SFMBT1: variants seen among roughly 807,000 people sequenced by gnomAD.
SFMBT1 encodes the protein Scm like with four mbt domains 1.
A neutral mutation model predicts 108.7 loss-of-function variants in SFMBT1; 32 were observed. The ratio of observed to expected loss-of-function variants is 0.29; its 90% CI spans 0.22 to 0.40. SFMBT1 has a LOEUF of 0.40. SFMBT1 is among the 10% of genes least tolerant of loss of function. SFMBT1 has a pLI of 1.00. For synonymous variants in SFMBT1, 348 were observed against 369.5 expected, an observed-to-expected ratio of 0.94 and a Z score of 0.67; for missense variants, 816 against 1,059.6, an observed-to-expected ratio of 0.77 and a Z score of 3.19.
intron 1 of SFMBT1, among the ~76,000 whole-genome samples, chr3:53,040,198 T>A (rs59726511): frequency 6.6e-6 from 1 of 152,192 alleles, no homozygotes; most frequent in Non-Finnish European, 1.5e-5. Flanking sequence ...TGGCAGCCCA[T>A]GGGCAGCCTT....
chr3:52,941,593 C>CAAAAAAAAAAAAAAAAAA (rs145581859), intron 4 of SFMBT1, among the ~76,000 whole-genome samples: 1 of 64,034 alleles, frequency 1.6e-5, no homozygotes, highest in African/African-American at 5.8e-5. Flanking sequence ...GACTCTGTTT[C>CAAAAAAAAAAAAAAAAAA]AAAAAAAAAA....
In SFMBT1 at chr3:53,045,813, T is replaced by C. The variant is rs1575460903; in HGVS notation, c.-131+3A>G. 1 of 149,094 alleles carries C rather than the reference T, an allele frequency of 6.7e-6. No homozygotes were observed. Among genetic ancestry groups the C allele is most frequent in the Non-Finnish European group, 1.5e-5 (1 of 67,092 alleles). 9.2% of individuals were successfully genotyped at this position (149,094 alleles called of 1,614,324 possible). On this transcript the variant is annotated splice_donor_region_variant and intron_variant, in intron 1 of 20. Coordinates refer to ENST00000394752, the MANE Select transcript of SFMBT1 (RefSeq NM_016329.4). ...GGCCCAGCCGGTGGCCCCGCTTTTTTACCTGCCCGGAGTTTTCGCGCGCGC... is the reference window on the plus strand; with the variant it reads ...GGCCCAGCCGGTGGCCCCGCTTTTTCACCTGCCCGGAGTTTTCGCGCGCGC...
At chr3:52,920,136 T>G (rs1025796965) in intron 12 of SFMBT1, among the ~76,000 whole-genome samples, 1 of 152,246 alleles carries the variant, frequency 6.6e-6, no homozygotes, top group Non-Finnish European at 1.5e-5. Flanking sequence ...TCTCCAGAAC[T>G]GTGAGAGATA....
At chr3:52,989,595 T>C (rs186784516) in intron 1 of SFMBT1, among the ~76,000 whole-genome samples, 2 of 152,026 alleles carry the variant, frequency 1.3e-5, no homozygotes, top group East Asian at 1.9e-4. Context: ...GGTCAGGAGA[T>C]AGAGAACAGC....
At chr3:52,909,381 T>C (rs1233383102) in intron 17 of SFMBT1, among the ~76,000 whole-genome samples, 1 of 152,250 alleles carries the variant, frequency 6.6e-6, no homozygotes, top group East Asian at 1.9e-4. Flanking sequence ...GAAGCTAAGA[T>C]AATTCCTACT....
chr3:52,973,944 G>A (rs992732343), intron 1 of SFMBT1, among the ~76,000 whole-genome samples: 1 of 152,222 alleles, frequency 6.6e-6, no homozygotes, highest in Non-Finnish European at 1.5e-5. Context: ...CTGGCTTCAT[G>A]TTAATGCCCT....
chr3:53,000,064 G>A (rs558815328), intron 1 of SFMBT1, among the ~76,000 whole-genome samples: 13 of 149,704 alleles, frequency 8.7e-5, no homozygotes, highest in Non-Finnish European at 1.0e-4. Flanking sequence ...GGGTTTCACC[G>A]TGTTAGCCAG....
At position 52,911,151 on chromosome 3, in the gene SFMBT1, A is replaced by G. The variant is rs1170508387; in HGVS notation, c.1758T>C (p.Thr586=). The G allele has an allele frequency of 1.2e-6, 2 of 1,612,704 alleles. No homozygotes were observed. The highest frequency in any genetic ancestry group is 2.2e-5 in the South Asian group (2 of 90,784). Residue 586 remains threonine (T), a synonymous_variant, in exon 17 of 21, where the codon ACT becomes ACC. Transcript: ENST00000394752. ...AKYKGKSYRA[T]VEIVKTADRV... ...GATCTGCTGTTTTCACTATCTCAAC[A>G]GTAGCCCGATAACTCTTTCCTTTAT...
intron 1 of SFMBT1, among the ~76,000 whole-genome samples, chr3:52,998,747 G>C (rs1488766007): frequency 1.3e-5 from 2 of 150,690 alleles, no homozygotes; most frequent in Non-Finnish European, 3.0e-5. Context: ...TCCTGTGGGC[G>C]TATCAACAGG....
chr3:52,907,762 G>A, intron 17 of SFMBT1, 29 bp from the exon 18 acceptor site: 1 of 1,568,576 alleles, frequency 6.4e-7, no homozygotes, highest in Non-Finnish European at 8.6e-7. Context: ...GAAAAATGAA[G>A]TAGCTTCATT....
chr3:52,930,233 G>A (rs1261728981), intron 8 of SFMBT1, 96 bp downstream of exon 8: 2 of 756,366 alleles, frequency 2.6e-6, no homozygotes, highest in Non-Finnish European at 4.6e-6. Context: ...GGAAAAATGG[G>A]TTGGATCAAT....
At chr3:52,998,817 A>T (rs1329456722) in intron 1 of SFMBT1, among the ~76,000 whole-genome samples, 1 of 150,602 alleles carries the variant, frequency 6.6e-6, no homozygotes, top group Non-Finnish European at 1.5e-5. Context: ...TGACTGGCCC[A>T]CAACGTCTTC....
At position 52,907,765 on chromosome 3, in the gene SFMBT1, G is replaced by A. The variant is rs1160643760; in HGVS notation, c.1907-32C>T. On this transcript the variant is annotated intron_variant, in intron 17 of 20. Coordinates refer to ENST00000394752, the MANE Select transcript of SFMBT1 (RefSeq NM_016329.4). ...GTGGATGACAAAGAAAAATGAAGTAGCTTCATTATTTTTGTGTACCTCAAA... is the reference window on the plus strand; with the variant it reads ...GTGGATGACAAAGAAAAATGAAGTAACTTCATTATTTTTGTGTACCTCAAA... 3 of 1,558,632 alleles carry A rather than the reference G, an allele frequency of 1.9e-6. No homozygotes were observed. In the African/African-American group the frequency reaches 4.2e-5, roughly 22 times the overall value.
At chr3:53,029,928 C>T (rs1699625384) in intron 1 of SFMBT1, among the ~76,000 whole-genome samples, 1 of 151,996 alleles carries the variant, frequency 6.6e-6, no homozygotes, top group Non-Finnish European at 1.5e-5. Flanking sequence ...GAACAGTCTA[C>T]CCCCACAAAT....
At chr3:52,966,336 A>AAAAAAAAAT (rs1214815068) in intron 2 of SFMBT1, among the ~76,000 whole-genome samples, 4 of 97,754 alleles carry the variant, frequency 4.1e-5, no homozygotes, top group East Asian at 3.2e-4. Context: ...AGAAAAAAAA[A>AAAAAAAAAT]AGGACTAAAG....
chr3:52,907,669 T>A lies in SFMBT1; in HGVS notation c.1971A>T (p.Leu657Phe). ...IGRPPGGHSN[L>F]ACALKKASKR... is the part of the protein sequence containing the mutation. ...TACTGGCTTTTTTCAGGGCACAAGC[T>A]AAGTTACTATGCCCACCAGGTGGCC... is the stretch of plus-strand genomic sequence containing the variant. The change falls in exon 18 of 21, where the codon TTA (leucine) becomes TTT (phenylalanine). Residue 657 changes from leucine to phenylalanine, a missense_variant. Around this residue, in one of 5 missense-constraint regions of SFMBT1, gnomAD observed 177 missense variants for 182.0 expected, o/e 0.97. Transcript: ENST00000394752. 1 of 1,614,264 alleles carries A rather than the reference T, an allele frequency of 6.2e-7. No individual in the cohort carries two copies. Among genetic ancestry groups the A allele is most frequent in the Non-Finnish European group, 8.5e-7 (1 of 1,180,050 alleles).
In SFMBT1 at chr3:52,930,962, T is replaced by C. The variant is rs1313346220; in HGVS notation, c.774A>G (p.Pro258=). The C allele has an allele frequency of 6.2e-7, 1 of 1,614,058 alleles. No homozygotes were observed. The highest frequency in any genetic ancestry group is 8.5e-7 in the Non-Finnish European group (1 of 1,179,928). The part of the protein sequence containing the change: ...LAKVKEEEEE[P]LPSYLFKDKQ... Reference sequence around the variant, plus strand: ...TTACCTTAAATAAGTAAGATGGTAATGGCTCTTCCTCTTCCTCTTTCACTT... The same window carrying C: ...TTACCTTAAATAAGTAAGATGGTAACGGCTCTTCCTCTTCCTCTTTCACTT... The change falls in exon 7 of 21, where the codon CCA becomes CCG. Residue 258 remains proline, a synonymous_variant. Transcript: ENST00000394752.
intron 16 of SFMBT1, among the ~76,000 whole-genome samples, chr3:52,912,252 C>G (rs1438976477): frequency 2.0e-5 from 3 of 152,078 alleles, no homozygotes; most frequent in Admixed American, 1.3e-4. Context: ...ACGATCTCAG[C>G]TCACTGCAAC....
At chr3:52,957,177 A>G (rs1186055432) in intron 2 of SFMBT1, among the ~76,000 whole-genome samples, 1 of 152,142 alleles carries the variant, frequency 6.6e-6, no homozygotes, top group African/African-American at 2.4e-5. Flanking sequence ...CTATACGCCA[A>G]CAACAGACAA....
Sources: gnomAD v4.1 joint callset for allele counts (sites outside exome capture counted in the v4.1 genomes callset) on GRCh38, gnomAD v4.1.1 for gene constraint, gnomAD v4.1.1 regional missense constraint, MANE v1.5 for transcripts, NCBI Gene and HGNC (gene_info 2026-07-23, HGNC 2026-07-21) for gene names.